ST8SIA4: variants seen among roughly 807,000 people sequenced by gnomAD.
ST8SIA4 encodes ST8 alpha-N-acetyl-neuraminide alpha-2,8-sialyltransferase 4.
ST8SIA4 carries 15 observed loss-of-function variants against 33.9 expected under a neutral mutation model. That is an observed-to-expected ratio of 0.44 (90% confidence interval 0.30 to 0.68). The LOEUF (loss-of-function observed/expected upper bound fraction) is 0.68. ST8SIA4 is among the 30% of genes least tolerant of loss of function. The probability of loss-of-function intolerance (pLI) is 0.10; values close to 1 mark genes in which losing one functional copy is unlikely to be tolerated. For missense variants in ST8SIA4, 321 were observed against 428.0 expected (o/e 0.75, Z 2.21); for synonymous variants, 171 against 151.2 (o/e 1.13, Z -0.96).
At chr5:100,832,394 G>T (rs923374848) in intron 4 of ST8SIA4, among the ~76,000 whole-genome samples, 4 of 152,132 alleles carry the variant, frequency 2.6e-5, no homozygotes, top group Admixed American at 2.6e-4. Context: ...TGTTATTGAA[G>T]ATATTTCAGT....
chr5:100,895,701 G>C lies in ST8SIA4; in HGVS notation c.198C>G (p.His66Gln). ...IRKAGSSIFQ[H>Q]NVEGWKINSS... ...AATTGATTTTCCAACCTTCTACATT[G>C]TGCTGGAAGATTGAAGAGCCAGCCT... The change falls in exon 2 of 5, where the codon CAC becomes CAG. Residue 66 changes from histidine to glutamine, a missense_variant. By Grantham distance (24) the His-to-Gln change is conservative. Coordinates refer to ENST00000231461, the MANE Select transcript of ST8SIA4 (RefSeq NM_005668.6). 6.2e-7 allele frequency: 1 copy of C among 1,612,772 alleles called. No homozygotes were observed. Among genetic ancestry groups the C allele is most frequent in the Admixed American group, 1.7e-5 (1 of 59,984 alleles).
chr5:100,812,103 A>G lies in ST8SIA4; in HGVS notation c.824T>C (p.Ile275Thr). The change falls in exon 5 of 5, where the codon ATC (isoleucine) becomes ACC (threonine). Residue 275 changes from isoleucine to threonine, a missense_variant. Physicochemically the swap from Ile to Thr is moderately conservative, Grantham distance 89. Transcript: ENST00000231461. ...RGYWLTNKVP[I>T]KRPSTGLLMY... is the part of the protein sequence containing the mutation. ...GAGAAGACCTGTGCTGGGTCTTTTG[A>G]TAGGAACTTTGTTGGTCAGCCAGTA... 1 of 1,611,776 alleles carries G rather than the reference A, an allele frequency of 6.2e-7. No homozygotes were observed. The highest frequency in any genetic ancestry group is 8.5e-7 in the Non-Finnish European group (1 of 1,179,352).
intron 4 of ST8SIA4, among the ~76,000 whole-genome samples, chr5:100,832,976 A>C (rs1459867331): frequency 6.6e-6 from 1 of 152,118 alleles, no homozygotes; most frequent in Non-Finnish European, 1.5e-5. Context: ...TCTTCCCTTT[A>C]TAGCATGTTG....
At chr5:100,820,795 A>G (rs999088024) in intron 4 of ST8SIA4, among the ~76,000 whole-genome samples, 4 of 152,184 alleles carry the variant, frequency 2.6e-5, no homozygotes, top group Non-Finnish European at 5.9e-5. Context: ...AAAAATAAGC[A>G]TCATATAATA....
At chr5:100,872,076 A>G (rs1752208210) in intron 3 of ST8SIA4, among the ~76,000 whole-genome samples, 1 of 152,016 alleles carries the variant, frequency 6.6e-6, no homozygotes, top group Non-Finnish European at 1.5e-5. Context: ...ACAAACCAAA[A>G]TTTTCTCAAC....
chr5:100,887,434 T>A (rs940070032), intron 2 of ST8SIA4, among the ~76,000 whole-genome samples: 5 of 152,036 alleles, frequency 3.3e-5, no homozygotes, highest in African/African-American at 1.2e-4. Context: ...TATGAGTGGA[T>A]CATGTGAGTT....
At chr5:100,812,944 A>C (rs926174288) in intron 4 of ST8SIA4, among the ~76,000 whole-genome samples, 1 of 152,096 alleles carries the variant, frequency 6.6e-6, no homozygotes, top group East Asian at 1.9e-4. Context: ...TTTTGAAAAC[A>C]GCTGAAAGAG....
rs1750822888 is a variant in ST8SIA4, at chr5:100,811,852, G to A, written c.1075C>T (p.Gln359Ter). ...TGTTTGTTTCAAAATGTGCTTTATT[G>A]CTTTACACACTTTCCTGTTGTCAGT... ...LKLTTGKCVK[Q>*] Residue 359 changes from glutamine (Q) to a stop codon, truncating the protein, a stop_gained, in exon 5 of 5, where the codon CAA becomes TAA. Coordinates refer to ENST00000231461, the MANE Select transcript of ST8SIA4 (RefSeq NM_005668.6). LOFTEE classifies it high-confidence loss of function. 4 of 1,608,308 alleles carry A rather than the reference G, an allele frequency of 2.5e-6. No homozygotes were observed. In the Admixed American group the frequency reaches 5.1e-5, roughly 20 times the overall value.
intron 1 of ST8SIA4, among the ~76,000 whole-genome samples, chr5:100,901,847 C>A (rs751684906): frequency 1.3e-5 from 2 of 151,766 alleles, no homozygotes; most frequent in Non-Finnish European, 2.9e-5. Flanking sequence ...GCAGTCCCAT[C>A]TCTCTCTCTC....
At chr5:100,902,462 C>G (rs1752941521) in intron 1 of ST8SIA4, among the ~76,000 whole-genome samples, 1 of 152,096 alleles carries the variant, frequency 6.6e-6, no homozygotes, top group South Asian at 2.1e-4. Flanking sequence ...TCCAGTATCT[C>G]CTTAGGTGAT....
rs1471461101 is a variant in ST8SIA4, at chr5:100,810,647, T to C, written c.*1200A>G. On this transcript the variant is annotated 3_prime_UTR_variant, in exon 5 of 5. Coordinates refer to ENST00000231461, the MANE Select transcript of ST8SIA4 (RefSeq NM_005668.6). ...CTTTCACATTAATAGCAAAATAATA[T>C]ATTCATGTTAATAATATATTATTTT... 2 of 152,590 alleles carry C rather than the reference T, an allele frequency of 1.3e-5. No homozygotes were observed. The highest frequency in any genetic ancestry group is 1.3e-4 in the Admixed American group (2 of 15,280). The allele number at this position is 152,590 out of a possible 1,614,324, so 9.5% of individuals were successfully genotyped here.
chr5:100,850,709 CCT>C (rs1422189959), intron 4 of ST8SIA4, among the ~76,000 whole-genome samples: 1 of 151,616 alleles, frequency 6.6e-6, no homozygotes, highest in Admixed American at 6.6e-5. Context: ...CCCATCCATA[CCT>C]CTGTGTTTAT....
intron 4 of ST8SIA4, among the ~76,000 whole-genome samples, chr5:100,854,537 C>T (rs1235797291): frequency 5.3e-5 from 8 of 152,116 alleles, no homozygotes; most frequent in East Asian, 1.9e-4. Context: ...GAGCCGAGAT[C>T]GCACCACTGC....
chr5:100,876,255 G>A (rs1214946913), intron 3 of ST8SIA4, among the ~76,000 whole-genome samples: 1 of 152,032 alleles, frequency 6.6e-6, no homozygotes, highest in Non-Finnish European at 1.5e-5. Flanking sequence ...TTTTAAGGTA[G>A]TTCATCAAGA....
chr5:100,864,359 G>A (rs1752015349), intron 3 of ST8SIA4, among the ~76,000 whole-genome samples: 1 of 152,062 alleles, frequency 6.6e-6, no homozygotes, highest in Non-Finnish European at 1.5e-5. Flanking sequence ...TGGATCACGA[G>A]GTCAGGAGAT....
chr5:100,815,279 A>G (rs999225504), intron 4 of ST8SIA4, among the ~76,000 whole-genome samples: 1 of 152,070 alleles, frequency 6.6e-6, no homozygotes, highest in Admixed American at 6.5e-5. Context: ...TTACTGCTAT[A>G]ACATGCAACA....
At chr5:100,873,008 A>T (rs1752231161) in intron 3 of ST8SIA4, among the ~76,000 whole-genome samples, 1 of 152,088 alleles carries the variant, frequency 6.6e-6, no homozygotes, top group Non-Finnish European at 1.5e-5. Context: ...GAACATTCTG[A>T]CTCAGCAGAC....
intron 4 of ST8SIA4, among the ~76,000 whole-genome samples, chr5:100,813,990 T>C (rs1750863150): frequency 6.6e-6 from 1 of 152,032 alleles, no homozygotes; most frequent in Non-Finnish European, 1.5e-5. Flanking sequence ...ATTACTTGTA[T>C]GAAACTCCAG....
At chr5:100,882,988 C>A (rs960334432) in intron 3 of ST8SIA4, among the ~76,000 whole-genome samples, 25 of 152,274 alleles carry the variant, frequency 1.6e-4, no homozygotes, top group Admixed American at 4.6e-4. Flanking sequence ...TGGAGCCCCC[C>A]ACCCCTCCCA....
Sources: gnomAD v4.1 joint callset for allele counts (sites outside exome capture counted in the v4.1 genomes callset) on GRCh38, gnomAD v4.1.1 for gene constraint, MANE v1.5 for transcripts, NCBI Gene and HGNC (gene_info 2026-07-23, HGNC 2026-07-21) for gene names.